The following CA10 variants were observed in gnomAD, a reference collection of about 807,000 sequenced individuals.
CA10 encodes carbonic anhydrase-related protein 10.
Under a neutral mutation model 44.2 loss-of-function variants are expected in CA10, and 14 were observed. That is an observed-to-expected ratio of 0.32 (90% CI 0.21 to 0.50). The LOEUF is 0.50. Among genes scored for constraint, CA10 ranks in the 20% least tolerant of loss-of-function variants. The pLI is 0.99. For missense variants in CA10, 350 were observed against 409.7 expected, an observed-to-expected ratio of 0.85 and a Z score of 1.26; for synonymous variants, 159 against 141.6, an observed-to-expected ratio of 1.12 and a Z score of -0.87.
chr17:51,631,039 ACTTTGTCCTGCTCAC>A lies in CA10; in HGVS notation c.*530_*544del, dbSNP rs141500560. ...ATCTAGAAATAAGTGTCCTTGGTCA[ACTTTGTCCTGCTCAC>A]CTGCTACCAGCACCCTCAAAGGATC... On this transcript the variant is annotated 3_prime_UTR_variant, in exon 9 of 9. Transcript: ENST00000451037. The A allele has an allele frequency of 0.019, 2,882 of 153,752 alleles. 62 individuals are homozygous for A. The highest frequency in any genetic ancestry group is 0.048 in the African/African-American group (2,003 of 41,564). The allele number at this position is 153,752 out of a possible 1,614,324, so 9.5% of individuals were successfully genotyped here.
intron 2 of CA10, among the ~76,000 whole-genome samples, chr17:51,935,298 T>G (rs123527): frequency 6.6e-6 from 1 of 151,970 alleles, no homozygotes; most frequent in Non-Finnish European, 1.5e-5. Flanking sequence ...GTTTAAACTT[T>G]TATTTTTAAA....
chr17:51,839,639 T>A (rs1382228591), intron 3 of CA10, among the ~76,000 whole-genome samples: 1 of 151,458 alleles, frequency 6.6e-6, no homozygotes, highest in African/African-American at 2.4e-5. Flanking sequence ...TATGAACTGA[T>A]AACTAGACAT....
intron 6 of CA10, among the ~76,000 whole-genome samples, chr17:51,642,000 A>G (rs1418458003): frequency 6.6e-6 from 1 of 152,222 alleles, no homozygotes; most frequent in African/African-American, 2.4e-5. Context: ...CAATTTTCTC[A>G]TATAGAATGA....
At position 51,738,329 on chromosome 17, in the gene CA10, A is replaced by T. The variant is rs531849080; in HGVS notation, c.465+9304T>A. Reference sequence around the variant, plus strand: ...ACATCCATGGAGCAGCTAGACATCGAATGATTTAATTTAGCAATATTATCT... The same window carrying T: ...ACATCCATGGAGCAGCTAGACATCGTATGATTTAATTTAGCAATATTATCT... On this transcript the variant is annotated intron_variant, in intron 4 of 8. Transcript: ENST00000451037. Among the ~76,000 whole-genome samples the T allele has an allele frequency of 2.0e-5, 3 of 152,288 alleles. No homozygotes were observed. The South Asian group carries it at 6.2e-4, about 32-fold the overall frequency.
At chr17:51,646,038 C>T (rs1913319587) in intron 6 of CA10, among the ~76,000 whole-genome samples, 2 of 152,216 alleles carry the variant, frequency 1.3e-5, no homozygotes, top group Non-Finnish European at 2.9e-5. Flanking sequence ...TGAGCTGCTT[C>T]AGCTCACTTG....
chr17:51,692,418 TCTATCTATTTTACCA>T (rs771171610), intron 4 of CA10, among the ~76,000 whole-genome samples: 9,562 of 130,846 alleles, frequency 0.073, 377 homozygotes, highest in Non-Finnish European at 0.099. Flanking sequence ...TATCTATCTA[TCTATCTATTTTACCA>T]TTTACCATGG....
At chr17:51,878,941 T>C (rs991780367) in intron 3 of CA10, among the ~76,000 whole-genome samples, 8 of 142,742 alleles carry the variant, frequency 5.6e-5, no homozygotes, top group Non-Finnish European at 1.1e-4. Flanking sequence ...TGTGTATATA[T>C]ATATATAATG....
chr17:51,931,904 TG>T (rs1050673276), intron 2 of CA10, among the ~76,000 whole-genome samples: 39 of 152,238 alleles, frequency 2.6e-4, no homozygotes, highest in African/African-American at 9.4e-4. Context: ...AGGGCAAGGG[TG>T]GGGAGCCAAC....
intron 1 of CA10, among the ~76,000 whole-genome samples, chr17:52,084,465 A>G (rs1191237331): frequency 1.3e-5 from 2 of 151,866 alleles, no homozygotes; most frequent in African/African-American, 4.8e-5. Context: ...CCACAAGCCA[A>G]ACTGGAGTTT....
chr17:52,039,014 A>G (rs1986695944), intron 2 of CA10, among the ~76,000 whole-genome samples: 1 of 152,182 alleles, frequency 6.6e-6, no homozygotes, highest in Admixed American at 6.5e-5. Context: ...GAGAGAACGG[A>G]ATTAAATGAT....
At chr17:51,749,075 A>G (rs764179786) in intron 3 of CA10, among the ~76,000 whole-genome samples, 12 of 152,208 alleles carry the variant, frequency 7.9e-5, no homozygotes, top group African/African-American at 1.4e-4. Flanking sequence ...TCCCTGGTAC[A>G]TCGACCAATG....
intron 3 of CA10, among the ~76,000 whole-genome samples, chr17:51,906,541 C>G (rs1981562953): frequency 6.6e-6 from 1 of 152,104 alleles, no homozygotes; most frequent in African/African-American, 2.4e-5. Flanking sequence ...TACATTCACT[C>G]CCTGGATAGT....
intron 3 of CA10, among the ~76,000 whole-genome samples, chr17:51,783,530 A>G (rs1396601696): frequency 6.6e-6 from 1 of 152,174 alleles, no homozygotes; most frequent in East Asian, 1.9e-4. Context: ...ATTCTCAGTA[A>G]GGACCACCTA....
At chr17:51,851,312 C>T (rs562827405) in intron 3 of CA10, among the ~76,000 whole-genome samples, 5 of 152,266 alleles carry the variant, frequency 3.3e-5, no homozygotes, top group South Asian at 2.1e-4. Flanking sequence ...TTCAACACAG[C>T]GGCCCTGCTC....
intron 1 of CA10, among the ~76,000 whole-genome samples, chr17:52,130,223 G>A (rs938653017): frequency 1.1e-4 from 17 of 152,096 alleles, no homozygotes; most frequent in African/African-American, 4.1e-4. Flanking sequence ...AATTAATACA[G>A]CCATTAAGAA....
In CA10 at chr17:51,831,687, G is replaced by GCAGCAGCAGCATCAGCAT. The variant is rs1349431395; in HGVS notation, c.280-83870_280-83869insATGCTGATGCTGCTGCTG. ...AGAAAAAGCAGCAGCAGCAGCAGCA[G>GCAGCAGCAGCATCAGCAT]CAGCAGCAGCAGCAGCAGCAGCAGC... On this transcript the variant is annotated intron_variant, in intron 3 of 8. Transcript: ENST00000451037. Among the ~76,000 whole-genome samples, 126 of 78,626 alleles carry GCAGCAGCAGCATCAGCAT rather than the reference G, an allele frequency of 1.6e-3. 2 individuals carry two copies. Among genetic ancestry groups the GCAGCAGCAGCATCAGCAT allele is most frequent in the African/African-American group, 4.5e-3 (115 of 25,326 alleles). The allele number at this position is 78,626 out of a possible 152,430, so 51.6% of individuals were successfully genotyped here.
chr17:51,999,596 G>T (rs1476286067), intron 2 of CA10, among the ~76,000 whole-genome samples: 1 of 152,020 alleles, frequency 6.6e-6, no homozygotes, highest in Non-Finnish European at 1.5e-5. Context: ...TTCAGTTCCT[G>T]CTGGACATCC....
Position 51,647,010 on chromosome 17 carries a change from C to T in CA10, c.634+2172G>A, listed in dbSNP as rs145421511. ...CCAGGATCTCTTTATCTTGCTTTGG[C>T]TCCCCTTTCTTTTCCCTGGGCCCTG... On this transcript the variant is annotated intron_variant, in intron 6 of 8. Transcript: ENST00000451037. 1.0e-3 allele frequency among the ~76,000 whole-genome samples: 153 copies of T among 152,020 alleles called. 1 individual carries two copies. Among genetic ancestry groups the T allele is most frequent in the African/African-American group, 3.6e-3 (150 of 41,338 alleles).
chr17:52,103,585 A>T (rs2970015), intron 1 of CA10, among the ~76,000 whole-genome samples: 21 of 151,966 alleles, frequency 1.4e-4, no homozygotes, highest in Non-Finnish European at 2.9e-5. Flanking sequence ...GAAACTCAAC[A>T]TTTGCTAGCT....
Sources: allele counts gnomAD v4.1 joint callset (sites outside exome capture counted in the v4.1 genomes callset), GRCh38; gene constraint gnomAD v4.1.1; transcripts MANE v1.5; gene names NCBI Gene and HGNC (gene_info 2026-07-23, HGNC 2026-07-21).